The following ITIH5 variants were observed in gnomAD, a reference collection of about 807,000 sequenced individuals.
The protein encoded by ITIH5 is inter-alpha-trypsin inhibitor heavy chain H5.
ITIH5 carries 65 observed loss-of-function variants against 77.5 expected under a neutral mutation model. That is an observed-to-expected ratio of 0.84 (90% CI 0.69 to 1.03). The LOEUF is 1.03. ITIH5 is among the 50% of genes least tolerant of loss of function. The pLI is 0.00. For missense variants in ITIH5, 1,208 were observed against 1,213.1 expected (o/e 1.00, Z 0.06); for synonymous variants, 525 against 494.3 (o/e 1.06, Z -0.82).
chr10:7,647,661 T>C (rs1834028471), intron 2 of ITIH5, among the ~76,000 whole-genome samples: 1 of 152,228 alleles, frequency 6.6e-6, no homozygotes, highest in South Asian at 2.1e-4. Flanking sequence ...GAAATTTAGT[T>C]ATTTTATTAG....
At chr10:7,634,686 A>G (rs1013836022) in intron 5 of ITIH5, among the ~76,000 whole-genome samples, 1 of 152,134 alleles carries the variant, frequency 6.6e-6, no homozygotes, top group African/African-American at 2.4e-5. Flanking sequence ...ATCTCTGAAG[A>G]GTCATTATGA....
At chr10:7,632,260 G>A (rs1044837138) in intron 5 of ITIH5, among the ~76,000 whole-genome samples, 2 of 152,132 alleles carry the variant, frequency 1.3e-5, no homozygotes, top group African/African-American at 2.4e-5. Context: ...AAGTCTACAG[G>A]GATGAAGAGT....
intron 7 of ITIH5, among the ~76,000 whole-genome samples, chr10:7,608,917 C>T (rs1588395743): frequency 6.6e-6 from 1 of 151,550 alleles, no homozygotes; most frequent in Middle Eastern, 3.4e-3. Context: ...GAGTAGGTGA[C>T]ATCTGTGTGC....
chr10:7,616,556 G>A (rs1044321722), intron 6 of ITIH5, among the ~76,000 whole-genome samples: 1 of 152,150 alleles, frequency 6.6e-6, no homozygotes, highest in Non-Finnish European at 1.5e-5. Flanking sequence ...GACCAAGCGC[G>A]GTGGCTCAGG....
chr10:7,573,512 A>T (rs1271224461), intron 10 of ITIH5, among the ~76,000 whole-genome samples: 2 of 151,550 alleles, frequency 1.3e-5, no homozygotes, highest in Non-Finnish European at 2.9e-5. Flanking sequence ...ACAAAAAAAA[A>T]ATAAATAAAT....
chr10:7,639,200 C>G (rs970442532), intron 4 of ITIH5, among the ~76,000 whole-genome samples: 32 of 152,150 alleles, frequency 2.1e-4, no homozygotes, highest in South Asian at 1.9e-3. Flanking sequence ...ACTCATCAAA[C>G]AAAGAAAGAG....
intron 7 of ITIH5, among the ~76,000 whole-genome samples, chr10:7,601,962 C>T (rs1320797406): frequency 6.6e-6 from 1 of 152,132 alleles, no homozygotes; most frequent in Non-Finnish European, 1.5e-5. Context: ...AAGCGATTCC[C>T]ATGCCTCATC....
At chr10:7,573,692 G>GA (rs1832351438) in intron 10 of ITIH5, among the ~76,000 whole-genome samples, 1 of 145,476 alleles carries the variant, frequency 6.9e-6, no homozygotes, top group African/African-American at 2.5e-5. Context: ...AAAAAAAAAG[G>GA]AAAAAAAAGA....
chr10:7,625,350 G>A (rs1477715232), intron 5 of ITIH5, among the ~76,000 whole-genome samples: 3 of 152,182 alleles, frequency 2.0e-5, no homozygotes, highest in African/African-American at 7.2e-5. Context: ...TGGGACCAGG[G>A]GGAAGGAGAG....
intron 9 of ITIH5, among the ~76,000 whole-genome samples, chr10:7,577,519 A>C (rs10905189): frequency 0.53 from 80,606 of 152,010 alleles, 21,600 homozygotes; most frequent in East Asian, 0.77. Context: ...TCTTAAAGGG[A>C]CTCTTAAAAA....
At chr10:7,585,818 C>T in intron 8 of ITIH5, 83 bp downstream of exon 8, 1 of 1,250,468 alleles carries the variant, frequency 8.0e-7, no homozygotes. Context: ...AAATCCTTAT[C>T]TCTTGGCAAA....
At position 7,585,907 on chromosome 10, in the gene ITIH5, TG is replaced by T. The variant is rs1255890359; in HGVS notation, c.1101del (p.Thr368LeufsTer37). The T allele has an allele frequency of 6.2e-7, 1 of 1,607,098 alleles. No individual in the cohort carries two copies. The highest frequency in any genetic ancestry group is 8.5e-7 in the Non-Finnish European group (1 of 1,177,220). ...DGKVYIHHMSPTGGTDINGAL... is the reference protein window; with the variant it reads ...DGKVYIHHMSXTGGTDINGAL... The stretch of plus-strand genomic sequence containing the variant: ...AAGAAGGTGTCATCTTTACCTCCAG[TG>T]GGTGACATATGGTGAATGTACACTT... On this transcript the variant is annotated frameshift_variant, in exon 8 of 14. Transcript: ENST00000397146. LOFTEE classifies it high-confidence loss of function.
chr10:7,624,935 T>C (rs1833551987), intron 5 of ITIH5, among the ~76,000 whole-genome samples: 1 of 142,842 alleles, frequency 7.0e-6, no homozygotes, highest in Admixed American at 7.1e-5. Context: ...ATTATCCCTT[T>C]CTGCCATCAC....
At chr10:7,659,810 C>G (rs1834246477) in intron 1 of ITIH5, among the ~76,000 whole-genome samples, 1 of 152,178 alleles carries the variant, frequency 6.6e-6, no homozygotes, top group African/African-American at 2.4e-5. Context: ...CTTCCCAGTA[C>G]ACGTACATTG....
At position 7,560,374 on chromosome 10, in the gene ITIH5, C is replaced by G. The variant is rs749046026; in HGVS notation, c.*2709G>C. 6.6e-6 allele frequency: 1 copy of G among 152,322 alleles called. No homozygotes were observed. Among genetic ancestry groups the G allele is most frequent in the Non-Finnish European group, 1.5e-5 (1 of 68,136 alleles). The allele number at this position is 152,322 out of a possible 1,614,324, so 9.4% of individuals were successfully genotyped here. Reference sequence around the variant, plus strand: ...TTCCTAATCCACCTATCAGGACACACGATTCAATTAAATGTTGAATGTTAC... The same window carrying G: ...TTCCTAATCCACCTATCAGGACACAGGATTCAATTAAATGTTGAATGTTAC... On this transcript the variant is annotated 3_prime_UTR_variant, in exon 14 of 14. Coordinates refer to ENST00000397146, the MANE Select transcript of ITIH5 (RefSeq NM_030569.7).
chr10:7,637,367 C>G lies in ITIH5; in HGVS notation c.513G>C (p.Glu171Asp). ...ELLQRRLGKYEHSISVRPQQL... is the reference protein window; with the variant it reads ...ELLQRRLGKYDHSISVRPQQL... ...GCTGGGGCCGCACGCTGATGCTGTGCTCGTACTTGCCCAGGCGCCTCTGCA... is the reference window on the plus strand; with the variant it reads ...GCTGGGGCCGCACGCTGATGCTGTGGTCGTACTTGCCCAGGCGCCTCTGCA... Residue 171 changes from glutamate (E) to aspartate (D), a missense_variant, in exon 5 of 14, where the codon GAG becomes GAC. Glu to Asp is a conservative substitution (Grantham distance 45). Coordinates refer to ENST00000397146, the MANE Select transcript of ITIH5 (RefSeq NM_030569.7). 2 of 1,614,222 alleles carry G rather than the reference C, an allele frequency of 1.2e-6. No homozygotes were observed. Among genetic ancestry groups the G allele is most frequent in the African/African-American group, 1.3e-5 (1 of 75,066 alleles).
chr10:7,592,379 C>A (rs1588382279), intron 7 of ITIH5, among the ~76,000 whole-genome samples: 1 of 151,340 alleles, frequency 6.6e-6, no homozygotes, highest in East Asian at 1.9e-4. Context: ...ACATTGTAGG[C>A]TTTTAGTAAA....
intron 3 of ITIH5, among the ~76,000 whole-genome samples, chr10:7,641,491 T>C (rs1332172109): frequency 6.6e-6 from 1 of 150,988 alleles, no homozygotes; most frequent in Non-Finnish European, 1.5e-5. Context: ...CCAGTTTTCA[T>C]GAAGAGTAAC....
intron 4 of ITIH5, among the ~76,000 whole-genome samples, chr10:7,640,148 CAA>C (rs56939703): frequency 0.15 from 11,803 of 80,520 alleles, 405 homozygotes; most frequent in East Asian, 0.28. Context: ...GGGGTAACTA[CAA>C]AAAAAAAAAA....
Sources: allele counts gnomAD v4.1 joint callset (sites outside exome capture counted in the v4.1 genomes callset), GRCh38; gene constraint gnomAD v4.1.1; transcripts MANE v1.5; gene names NCBI Gene and HGNC (gene_info 2026-07-23, HGNC 2026-07-21).